MAN1C1: variants seen among roughly 807,000 people sequenced by gnomAD.
The protein encoded by MAN1C1 is mannosidase alpha class 1C member 1.
Under a neutral mutation model 71.5 loss-of-function variants are expected in MAN1C1, and 49 were observed. The observed-to-expected ratio is 0.69, with a 90% CI of 0.54 to 0.87. The LOEUF is 0.87. Ranked by LOEUF, MAN1C1 falls within the 40% of genes least tolerant of loss-of-function variation. The pLI, the probability that MAN1C1 is intolerant of heterozygous loss-of-function variation, is 0.00. For synonymous variants in MAN1C1, 352 were observed against 343.7 expected, an observed-to-expected ratio of 1.02 and a Z score of -0.27; for missense variants, 743 against 835.0, an observed-to-expected ratio of 0.89 and a Z score of 1.36.
At chr1:25,750,649 G>A (rs981688420) in intron 4 of MAN1C1, among the ~76,000 whole-genome samples, 44 of 152,144 alleles carry the variant, frequency 2.9e-4, no homozygotes, top group African/African-American at 1.0e-3. Context: ...TCTCTCCATC[G>A]AGCATAATCT....
chr1:25,679,756 A>G (rs2046120351), intron 1 of MAN1C1, among the ~76,000 whole-genome samples: 1 of 151,846 alleles, frequency 6.6e-6, no homozygotes, highest in Non-Finnish European at 1.5e-5. Flanking sequence ...ATGTATACAC[A>G]TGTACATACA....
At chr1:25,694,610 A>G (rs879575847) in intron 2 of MAN1C1, among the ~76,000 whole-genome samples, 10 of 152,168 alleles carry the variant, frequency 6.6e-5, no homozygotes, top group Non-Finnish European at 1.3e-4. Context: ...CATTTTTACA[A>G]TTGCTTTTTG....
At chr1:25,686,894 C>T (rs1010512339) in intron 2 of MAN1C1, among the ~76,000 whole-genome samples, 3 of 152,162 alleles carry the variant, frequency 2.0e-5, no homozygotes, top group Admixed American at 2.0e-4. Context: ...TAAATCCACT[C>T]CTCTGGAGTG....
intron 2 of MAN1C1, among the ~76,000 whole-genome samples, chr1:25,708,963 T>C (rs2046565710): frequency 6.6e-6 from 1 of 151,336 alleles, no homozygotes; most frequent in East Asian, 1.9e-4. Flanking sequence ...CCAACTGGGG[T>C]CTTGGCACTT....
rs150161200 is a variant in MAN1C1, at chr1:25,727,256, A to G, written c.638-19412A>G. ...ACACTGCTCAGGGTGGGGATAAGGAACAAACAGACTAAGTCCTGCCTGTGG... is the reference window on the plus strand; with the variant it reads ...ACACTGCTCAGGGTGGGGATAAGGAGCAAACAGACTAAGTCCTGCCTGTGG... On this transcript the variant is annotated intron_variant, in intron 2 of 11. Transcript: ENST00000374332. Among the ~76,000 whole-genome samples the G allele has an allele frequency of 3.3e-3, 509 of 152,260 alleles. 1 individual carries two copies. The highest frequency in any genetic ancestry group is 0.012 in the African/African-American group (481 of 41,556).
chr1:25,783,683 C>A lies in MAN1C1; in HGVS notation c.1787C>A (p.Ser596Tyr). The A allele has an allele frequency of 6.2e-7, 1 of 1,613,004 alleles. No homozygotes were observed. ...CACAGGTATCTCTATCTTCTGTTCT[C>A]TGAAGATGACTTGCTCTCCCTGGAA... is the stretch of plus-strand genomic sequence containing the variant. Reference protein sequence around the residue: ...ETLKYLYLLFSEDDLLSLEDW... With the variant: ...ETLKYLYLLFYEDDLLSLEDW... The change falls in exon 12 of 12, where the codon TCT (serine) becomes TAT (tyrosine). Residue 596 changes from serine (S) to tyrosine (Y), a missense_variant. Physicochemically the swap from Ser to Tyr is moderately radical, Grantham distance 144. Transcript: ENST00000374332.
intron 1 of MAN1C1, among the ~76,000 whole-genome samples, chr1:25,630,997 C>T (rs1470980569): frequency 6.6e-6 from 1 of 152,138 alleles, no homozygotes; most frequent in African/African-American, 2.4e-5. Flanking sequence ...CAGAGTCTCG[C>T]TCTGTCGCCC....
intron 7 of MAN1C1, among the ~76,000 whole-genome samples, chr1:25,765,998 A>G (rs1479276723): frequency 2.0e-5 from 3 of 152,180 alleles, no homozygotes; most frequent in Non-Finnish European, 4.4e-5. Flanking sequence ...TAATTGCGAG[A>G]CCTGACTGGA....
Position 25,775,569 on chromosome 1 carries a change from A to G in MAN1C1, c.1258-2536A>G, listed in dbSNP as rs1194386714. Among the ~76,000 whole-genome samples the G allele has an allele frequency of 6.6e-6, 1 of 152,164 alleles. No individual in the cohort carries two copies. Among genetic ancestry groups the G allele is most frequent in the Non-Finnish European group, 1.5e-5 (1 of 68,020 alleles). On this transcript the variant is annotated intron_variant, in intron 8 of 11. Coordinates refer to ENST00000374332, the MANE Select transcript of MAN1C1 (RefSeq NM_020379.4). This position sits in a 1 kb window ranked among gnomAD's most constrained non-coding sequence, Gnocchi z 5.1. ...GAGTCTGAGAGAGAGACAGATATAC[A>G]ACAGAAACAGATGCCAAGTAGGAAT...
intron 2 of MAN1C1, among the ~76,000 whole-genome samples, chr1:25,728,446 T>G (rs555786820): frequency 6.6e-6 from 1 of 152,346 alleles, no homozygotes; most frequent in African/African-American, 2.4e-5. Flanking sequence ...AAGGTCATTC[T>G]GCCTGGTGGG....
intron 7 of MAN1C1, among the ~76,000 whole-genome samples, chr1:25,770,344 G>A (rs1313312705): frequency 6.6e-6 from 1 of 152,256 alleles, no homozygotes; most frequent in African/African-American, 2.4e-5. Flanking sequence ...GGGCTGGAGG[G>A]GGCCGGAAGG....
chr1:25,635,441 T>TC (rs899835708), intron 1 of MAN1C1, among the ~76,000 whole-genome samples: 6 of 133,474 alleles, frequency 4.5e-5, no homozygotes, highest in South Asian at 2.1e-4. Flanking sequence ...TTTCTTTCTT[T>TC]TTTTTTTTTT....
intron 2 of MAN1C1, among the ~76,000 whole-genome samples, chr1:25,695,724 G>A (rs949090829): frequency 1.3e-5 from 2 of 152,210 alleles, no homozygotes; most frequent in Non-Finnish European, 2.9e-5. Context: ...CTAGCACAGA[G>A]CATAATTTAT....
At chr1:25,760,854 T>G (rs1157727464) in intron 6 of MAN1C1, 2 of 152,220 alleles carry the variant, frequency 1.3e-5, no homozygotes, top group Admixed American at 1.3e-4. Context: ...GCAGGCACTA[T>G]AGATAAAGCC....
At chr1:25,720,463 G>T (rs112806288) in intron 2 of MAN1C1, among the ~76,000 whole-genome samples, 1 of 152,104 alleles carries the variant, frequency 6.6e-6, no homozygotes, top group Non-Finnish European at 1.5e-5. Context: ...CACCCACCTC[G>T]GCCTCCCAAA....
chr1:25,661,058 A>G (rs912425620), intron 1 of MAN1C1, among the ~76,000 whole-genome samples: 2 of 151,974 alleles, frequency 1.3e-5, no homozygotes, highest in African/African-American at 4.8e-5. Flanking sequence ...AGTGGCTCAC[A>G]TCATTGATAA....
At chr1:25,680,992 G>A (rs180925577) in intron 1 of MAN1C1, among the ~76,000 whole-genome samples, 3 of 152,066 alleles carry the variant, frequency 2.0e-5, no homozygotes, top group Admixed American at 1.3e-4. Context: ...GAAGCGAGGC[G>A]TGCAGATCAC....
At chr1:25,681,464 G>A (rs745570774) in intron 1 of MAN1C1, among the ~76,000 whole-genome samples, 46 of 152,272 alleles carry the variant, frequency 3.0e-4, no homozygotes, top group Middle Eastern at 3.4e-3. Flanking sequence ...CAGAAGGAAA[G>A]TAGCTGTTTA....
At chr1:25,716,570 G>T (rs928813117) in intron 2 of MAN1C1, among the ~76,000 whole-genome samples, 1 of 152,066 alleles carries the variant, frequency 6.6e-6, no homozygotes, top group Non-Finnish European at 1.5e-5. Flanking sequence ...TGAGCAATCC[G>T]CCCACCTTGG....
Sources: gnomAD v4.1 joint callset for allele counts (sites outside exome capture counted in the v4.1 genomes callset) on GRCh38, gnomAD v4.1.1 for gene constraint, Gnocchi (gnomAD v3.1) non-coding constraint, MANE v1.5 for transcripts, NCBI Gene and HGNC (gene_info 2026-07-23, HGNC 2026-07-21) for gene names.